The following GALNT2 variants were observed in gnomAD, a reference collection of about 807,000 sequenced individuals.
The protein encoded by GALNT2 is UDP-GalNAc:polypeptide N-acetylgalactosaminyltransferase 2.
A neutral mutation model predicts 81.4 loss-of-function variants in GALNT2; 31 were observed. That is an observed-to-expected ratio of 0.38 (90% CI 0.29 to 0.51). The LOEUF is 0.51. GALNT2 is among the 20% of genes least tolerant of loss of function. The pLI, the probability that GALNT2 is intolerant of heterozygous loss-of-function variation, is 0.87. For missense variants in GALNT2, 629 were observed against 765.7 expected, an observed-to-expected ratio of 0.82 and a Z score of 2.11; for synonymous variants, 303 against 287.4, an observed-to-expected ratio of 1.05 and a Z score of -0.55.
intron 2 of GALNT2, among the ~76,000 whole-genome samples, chr1:230,179,130 A>G (rs1440943933): frequency 2.0e-5 from 3 of 151,510 alleles, no homozygotes; most frequent in East Asian, 1.9e-4. Flanking sequence ...ATGTCTTTTC[A>G]TGGCTGGATA....
chr1:230,224,616 GT>G (rs1237114328), intron 3 of GALNT2, among the ~76,000 whole-genome samples: 1 of 152,210 alleles, frequency 6.6e-6, no homozygotes, highest in Admixed American at 6.5e-5. Flanking sequence ...GAAACCTAAT[GT>G]TTTTCCCCTT....
intron 2 of GALNT2, among the ~76,000 whole-genome samples, chr1:230,194,926 G>A (rs188261741): frequency 1.2e-4 from 19 of 152,358 alleles, no homozygotes; most frequent in African/African-American, 4.1e-4. Flanking sequence ...CACGAGGGGA[G>A]GAGAGAGAGC....
At chr1:230,194,575 G>A (rs1255826766) in intron 2 of GALNT2, among the ~76,000 whole-genome samples, 1 of 152,224 alleles carries the variant, frequency 6.6e-6, no homozygotes, top group Non-Finnish European at 1.5e-5. Flanking sequence ...CAGTCCAAAG[G>A]TAATGGACAA....
upstream of GALNT2, among the ~76,000 whole-genome samples, chr1:230,065,663 A>G (rs1659155439): frequency 6.6e-6 from 1 of 152,206 alleles, no homozygotes; most frequent in South Asian, 2.1e-4. Context: ...TTCCCGGTTC[A>G]AGAGTGTTTT....
At chr1:230,194,594 C>G (rs1369319224) in intron 2 of GALNT2, among the ~76,000 whole-genome samples, 1 of 152,232 alleles carries the variant, frequency 6.6e-6, no homozygotes, top group East Asian at 1.9e-4. Context: ...AAGGAATCTC[C>G]CTTCCTCTTG....
intron 1 of GALNT2, among the ~76,000 whole-genome samples, chr1:230,107,644 G>GTGTGTGT (rs1553256987): frequency 1.4e-5 from 2 of 147,682 alleles, no homozygotes; most frequent in African/African-American, 2.6e-5. Context: ...GTGTGTGTGT[G>GTGTGTGT]GTTGGTTGGT....
At chr1:230,082,756 G>A (rs1051762244) in intron 1 of GALNT2, among the ~76,000 whole-genome samples, 1 of 152,242 alleles carries the variant, frequency 6.6e-6, no homozygotes, top group Admixed American at 6.5e-5. Flanking sequence ...GGATGATAGA[G>A]CAGGGGATCC....
chr1:230,274,525 T>C lies in GALNT2; in HGVS notation c.1521T>C (p.Leu507=), dbSNP rs1273330862. 2 of 1,614,034 alleles carry C rather than the reference T, an allele frequency of 1.2e-6. No homozygotes were observed. The highest frequency in any genetic ancestry group is 1.7e-6 in the Non-Finnish European group (2 of 1,179,926). ...TGGTGGACCGGGCACCGGGCTCTCTTATAAAGCTGCAGGGCTGCCGAGAAA... is the reference window on the plus strand; with the variant it reads ...TGGTGGACCGGGCACCGGGCTCTCTCATAAAGCTGCAGGGCTGCCGAGAAA... ...LTVVDRAPGS[L]IKLQGCREND... Residue 507 remains leucine (L), a synonymous_variant, in exon 15 of 16, where the codon CTT becomes CTC. Transcript: ENST00000366672.
Position 230,134,160 on chromosome 1 carries a change from A to G in GALNT2, c.127-44058A>G, listed in dbSNP as rs759383853. Among the ~76,000 whole-genome samples the G allele has an allele frequency of 2.7e-5, 4 of 149,654 alleles. No individual in the cohort carries two copies. The South Asian group carries it at 6.4e-4, about 24-fold the overall frequency. Reference sequence around the variant, plus strand: ...AGTCTCACTCTGTCACCAGGCTGGAATGCAGTGGCGCAATCTCAGCTCACT... The same window carrying G: ...AGTCTCACTCTGTCACCAGGCTGGAGTGCAGTGGCGCAATCTCAGCTCACT... On this transcript the variant is annotated intron_variant, in intron 1 of 15. Transcript: ENST00000366672.
intron 1 of GALNT2, among the ~76,000 whole-genome samples, chr1:230,157,641 G>A (rs888229376): frequency 6.6e-6 from 1 of 152,192 alleles, no homozygotes; most frequent in Admixed American, 6.5e-5. Flanking sequence ...GCATGTGGCG[G>A]GATACCTCCT....
chr1:230,262,723 G>GGGGGTGGC, intron 12 of GALNT2, 58 bp downstream of exon 12: 1 of 1,293,624 alleles, frequency 7.7e-7, no homozygotes, highest in Non-Finnish European at 1.1e-6. Flanking sequence ...GTGGGGGTGG[G>GGGGGTGGC]AGGTAAGGGG....
intron 1 of GALNT2, among the ~76,000 whole-genome samples, chr1:230,075,682 G>A (rs1038505608): frequency 6.6e-6 from 1 of 152,222 alleles, no homozygotes; most frequent in Admixed American, 6.5e-5. Flanking sequence ...TTTCATTCTA[G>A]TGGGGGGCTG....
At chr1:230,140,230 C>G (rs547330885) in intron 1 of GALNT2, among the ~76,000 whole-genome samples, 10 of 152,362 alleles carry the variant, frequency 6.6e-5, no homozygotes, top group African/African-American at 1.9e-4. Context: ...GGATGGCTCA[C>G]CTCTGCCAGC....
intron 3 of GALNT2, among the ~76,000 whole-genome samples, chr1:230,219,442 A>G (rs1664482330): frequency 6.6e-6 from 1 of 151,958 alleles, no homozygotes; most frequent in Non-Finnish European, 1.5e-5. Flanking sequence ...CTGTTCTGGC[A>G]TCCCTCTCAA....
chr1:230,133,813 C>T (rs1296728616), intron 1 of GALNT2, among the ~76,000 whole-genome samples: 4 of 152,234 alleles, frequency 2.6e-5, no homozygotes, highest in South Asian at 2.1e-4. Flanking sequence ...TACCTGATCC[C>T]GTAGCCTGCT....
chr1:230,118,149 A>G (rs1014963882), intron 1 of GALNT2, among the ~76,000 whole-genome samples: 1 of 152,214 alleles, frequency 6.6e-6, no homozygotes, highest in Non-Finnish European at 1.5e-5. Flanking sequence ...AGGTTCTTCC[A>G]TGTCTTTTCA....
At chr1:230,068,417 C>T (rs1442974805) in intron 1 of GALNT2, among the ~76,000 whole-genome samples, 4 of 152,222 alleles carry the variant, frequency 2.6e-5, no homozygotes, top group Non-Finnish European at 5.9e-5. Context: ...ACTGGCTCCT[C>T]GGCTTTGAAA....
chr1:230,224,743 G>A (rs1664654820), intron 3 of GALNT2, among the ~76,000 whole-genome samples: 1 of 152,186 alleles, frequency 6.6e-6, no homozygotes. Flanking sequence ...CTGAGTGTGT[G>A]TGCATGTTTT....
chr1:230,246,665 C>T (rs1665380965), intron 8 of GALNT2, among the ~76,000 whole-genome samples: 1 of 152,132 alleles, frequency 6.6e-6, no homozygotes, highest in Non-Finnish European at 1.5e-5. Flanking sequence ...TGATACAGCC[C>T]CTTGCATGTA....
Sources: gnomAD v4.1 joint callset for allele counts (sites outside exome capture counted in the v4.1 genomes callset) on GRCh38, gnomAD v4.1.1 for gene constraint, MANE v1.5 for transcripts, NCBI Gene and HGNC (gene_info 2026-07-23, HGNC 2026-07-21) for gene names.